The following SORCS1 variants were observed in gnomAD, a reference collection of about 807,000 sequenced individuals.
SORCS1 encodes the protein VPS10 domain-containing receptor SorCS1.
SORCS1 carries 60 observed loss-of-function variants against 146.1 expected under a neutral mutation model. The ratio of observed to expected loss-of-function variants is 0.41; its 90% CI spans 0.33 to 0.51. SORCS1 has a LOEUF of 0.51. SORCS1 is among the 20% of genes least tolerant of loss of function. SORCS1 has a pLI of 0.21. For synonymous variants in SORCS1, 637 were observed against 584.0 expected (o/e 1.09, Z -1.31); for missense variants, 1,352 against 1,487.6 (o/e 0.91, Z 1.50).
intron 2 of SORCS1, among the ~76,000 whole-genome samples, chr10:106,860,669 A>G (rs1424907341): frequency 6.6e-6 from 1 of 152,214 alleles, no homozygotes. Context: ...TGCTTAATAC[A>G]GAGATATGGT....
chr10:106,842,540 T>A (rs1949097759), intron 2 of SORCS1, among the ~76,000 whole-genome samples: 1 of 151,014 alleles, frequency 6.6e-6, no homozygotes, highest in African/African-American at 2.4e-5. Flanking sequence ...GGCCTATTCT[T>A]TCATGAGATG....
intron 7 of SORCS1, among the ~76,000 whole-genome samples, chr10:106,708,565 C>T (rs1051436103): frequency 6.6e-6 from 1 of 152,154 alleles, no homozygotes; most frequent in Non-Finnish European, 1.5e-5. Flanking sequence ...AGCAGTGCAG[C>T]GTATTTGCTT....
At chr10:106,772,240 C>T (rs891631754) in intron 4 of SORCS1, among the ~76,000 whole-genome samples, 80 of 152,234 alleles carry the variant, frequency 5.3e-4, no homozygotes, top group African/African-American at 1.8e-3. Context: ...ATCCATCTGT[C>T]TCCCCTGGCC....
chr10:106,966,735 A>C (rs1955512654), intron 1 of SORCS1, among the ~76,000 whole-genome samples: 1 of 152,182 alleles, frequency 6.6e-6, no homozygotes, highest in Non-Finnish European at 1.5e-5. Flanking sequence ...ACAGAGCCAG[A>C]GGTCATTTGT....
chr10:106,791,163 C>T (rs1946301581), intron 3 of SORCS1, among the ~76,000 whole-genome samples: 1 of 152,170 alleles, frequency 6.6e-6, no homozygotes, highest in African/African-American at 2.4e-5. Flanking sequence ...TGCTTTTTAA[C>T]CTGCTTTTCC....
chr10:107,021,150 G>A (rs1958111698), intron 1 of SORCS1, among the ~76,000 whole-genome samples: 1 of 152,092 alleles, frequency 6.6e-6, no homozygotes, highest in Admixed American at 6.6e-5. Context: ...AACTGTGTGT[G>A]TGTCCCTACA....
At chr10:107,019,758 G>A (rs1337636339) in intron 1 of SORCS1, among the ~76,000 whole-genome samples, 7 of 152,236 alleles carry the variant, frequency 4.6e-5, no homozygotes, top group Admixed American at 1.3e-4. Context: ...TCTGTCAGAC[G>A]TGCACTTCGT....
chr10:107,101,152 C>T (rs1260525102), intron 1 of SORCS1, among the ~76,000 whole-genome samples: 1 of 152,102 alleles, frequency 6.6e-6, no homozygotes, highest in Non-Finnish European at 1.5e-5. Context: ...CTCCATCTCT[C>T]GGGCTCAAGC....
intron 1 of SORCS1, among the ~76,000 whole-genome samples, chr10:106,964,553 C>A (rs1955408651): frequency 6.6e-6 from 1 of 152,076 alleles, no homozygotes; most frequent in Non-Finnish European, 1.5e-5. Context: ...GTGGTGCGAT[C>A]TTGGCTCACT....
At chr10:106,811,324 C>G (rs1589448683) in intron 3 of SORCS1, among the ~76,000 whole-genome samples, 1 of 152,130 alleles carries the variant, frequency 6.6e-6, no homozygotes, top group East Asian at 1.9e-4. Flanking sequence ...ACACCAAGAG[C>G]CTTTTCATAA....
At chr10:106,677,220 G>A (rs2135533953) in intron 13 of SORCS1, 93 bp downstream of exon 13, 1 of 1,212,872 alleles carries the variant, frequency 8.2e-7, no homozygotes, top group East Asian at 2.4e-5. Flanking sequence ...ATTTACTACA[G>A]AAACAGACAC....
intron 8 of SORCS1, among the ~76,000 whole-genome samples, chr10:106,700,982 G>A (rs1410012452): frequency 6.6e-6 from 1 of 152,076 alleles, no homozygotes; most frequent in African/African-American, 2.4e-5. Context: ...GTATCTGCAG[G>A]GGGATTGGTT....
At chr10:106,768,665 A>T (rs754293032) in intron 4 of SORCS1, among the ~76,000 whole-genome samples, 5 of 152,188 alleles carry the variant, frequency 3.3e-5, no homozygotes, top group Non-Finnish European at 5.9e-5. Context: ...TGATTGTCTA[A>T]AAAGGCATTT....
chr10:106,785,912 T>G (rs1946033751), intron 3 of SORCS1, among the ~76,000 whole-genome samples: 1 of 152,202 alleles, frequency 6.6e-6, no homozygotes, highest in Non-Finnish European at 1.5e-5. Flanking sequence ...CAAACATTGA[T>G]CATCTCAAGT....
intron 1 of SORCS1, among the ~76,000 whole-genome samples, chr10:106,999,354 T>C (rs1213110173): frequency 6.6e-6 from 1 of 152,186 alleles, no homozygotes; most frequent in Non-Finnish European, 1.5e-5. Context: ...TCACATGGAA[T>C]CTCATTTTCC....
At chr10:107,073,079 T>C (rs1962577373) in intron 1 of SORCS1, among the ~76,000 whole-genome samples, 1 of 152,320 alleles carries the variant, frequency 6.6e-6, no homozygotes, top group African/African-American at 2.4e-5. Context: ...TCAATTACTT[T>C]TAATTACAAT....
At chr10:107,117,049 G>T (rs1966086521) in intron 1 of SORCS1, among the ~76,000 whole-genome samples, 1 of 152,110 alleles carries the variant, frequency 6.6e-6, no homozygotes, top group Non-Finnish European at 1.5e-5. Context: ...GAAAATGAGA[G>T]AAATGAGTTA....
chr10:106,793,361 T>C (rs1946406703), intron 3 of SORCS1, among the ~76,000 whole-genome samples: 1 of 152,060 alleles, frequency 6.6e-6, no homozygotes, highest in Admixed American at 6.5e-5. Flanking sequence ...AGTTCCTCAG[T>C]TTGGCTAAAG....
At chr10:106,704,750 G>A (rs140894801) in intron 8 of SORCS1, among the ~76,000 whole-genome samples, 35 of 152,188 alleles carry the variant, frequency 2.3e-4, no homozygotes, top group African/African-American at 6.3e-4. Context: ...CCAAGAGTGC[G>A]CATAAGATGA....
Sources: gnomAD v4.1 joint callset for allele counts (sites outside exome capture counted in the v4.1 genomes callset) on GRCh38, gnomAD v4.1.1 for gene constraint, MANE v1.5 for transcripts, NCBI Gene and HGNC (gene_info 2026-07-23, HGNC 2026-07-21) for gene names.